The following UBR2 variants were observed in gnomAD, a reference collection of about 807,000 sequenced individuals.
UBR2 encodes the protein ubiquitin protein ligase E3 component n-recognin 2, also known as E3 ubiquitin-protein ligase UBR2.
UBR2 carries 92 observed loss-of-function variants against 247.9 expected under a neutral mutation model. That is an observed-to-expected ratio of 0.37 (90% CI 0.31 to 0.44). UBR2 has a LOEUF of 0.44. Ranked by LOEUF, UBR2 falls within the 20% of genes least tolerant of loss-of-function variation. UBR2 has a pLI of 1.00. For missense variants in UBR2, 1,613 were observed against 2,112.6 expected (o/e 0.76, Z 4.64); for synonymous variants, 672 against 693.5 (o/e 0.97, Z 0.49).
chr6:42,632,775 A>C (rs1397275228), intron 12 of UBR2, 30 bp from the exon 13 acceptor site: 1 of 1,590,066 alleles, frequency 6.3e-7, no homozygotes. Flanking sequence ...TGTTTATGTT[A>C]ATTGCCACTG....
intron 23 of UBR2, 95 bp downstream of exon 23, chr6:42,650,481 G>A: frequency 3.9e-6 from 4 of 1,037,038 alleles, no homozygotes; most frequent in Admixed American, 4.8e-5. Flanking sequence ...GAGTTTGGTG[G>A]CTATTCACAA....
intron 11 of UBR2, chr6:42,620,494 GTTTTTGTTTTTGTTTTTTT>G (rs1794914883): frequency 3.1e-5 from 3 of 97,024 alleles, no homozygotes; most frequent in Non-Finnish European, 4.5e-5. Flanking sequence ...TTTTTTTTTT[GTTTTTGTTTTTGTTTTTTT>G]TTAAGACAGA....
intron 23 of UBR2, among the ~76,000 whole-genome samples, chr6:42,651,661 T>C (rs1797120812): frequency 1.3e-5 from 2 of 152,092 alleles, no homozygotes; most frequent in South Asian, 4.1e-4. Flanking sequence ...CAGCCAATTT[T>C]TGTATTTTTA....
At chr6:42,684,085 C>T (rs948442689) in intron 43 of UBR2, among the ~76,000 whole-genome samples, 1 of 152,210 alleles carries the variant, frequency 6.6e-6, no homozygotes, top group Non-Finnish European at 1.5e-5. Context: ...ATCACAATTT[C>T]ATGTGATTCC....
intron 6 of UBR2, 139 bp downstream of exon 6, chr6:42,605,998 A>C (rs1014082556): frequency 2.5e-6 from 2 of 788,112 alleles, no homozygotes; most frequent in Non-Finnish European, 1.9e-6. Flanking sequence ...TAATCTCAGC[A>C]CTTTGGGAGG....
chr6:42,617,646 T>G, intron 11 of UBR2, 139 bp downstream of exon 11: 1 of 752,202 alleles, frequency 1.3e-6, no homozygotes, highest in South Asian at 1.9e-5. Flanking sequence ...ACCTTCACTA[T>G]TCTTTTACTA....
intron 11 of UBR2, among the ~76,000 whole-genome samples, chr6:42,630,301 C>T (rs760444690): frequency 6.6e-6 from 1 of 151,650 alleles, no homozygotes; most frequent in African/African-American, 2.4e-5. Context: ...TCTCCTGTCT[C>T]AGCCTCCCGA....
At chr6:42,667,965 C>T (rs982659165) in intron 34 of UBR2, among the ~76,000 whole-genome samples, 7 of 151,652 alleles carry the variant, frequency 4.6e-5, no homozygotes, top group Non-Finnish European at 5.9e-5. Context: ...CTCCATGTTG[C>T]CCAGGCTGGT....
chr6:42,677,534 T>C (rs1266887819), intron 40 of UBR2, among the ~76,000 whole-genome samples: 1 of 152,086 alleles, frequency 6.6e-6, no homozygotes, highest in Non-Finnish European at 1.5e-5. Flanking sequence ...TCCCAGCACT[T>C]TGGGAGAATG....
chr6:42,609,548 A>G (rs1582520852), intron 7 of UBR2, among the ~76,000 whole-genome samples: 1 of 152,232 alleles, frequency 6.6e-6, no homozygotes, highest in African/African-American at 2.4e-5. Context: ...AGCAGAGAGT[A>G]AAAGGAGGAT....
At chr6:42,641,742 T>TGAGAA (rs2151958478) in intron 17 of UBR2, 50 bp downstream of exon 17, 2 of 1,478,172 alleles carry the variant, frequency 1.4e-6, no homozygotes, top group East Asian at 4.7e-5. Context: ...TCTTGGCTTC[T>TGAGAA]GTGAAGGTTG....
At position 42,683,038 on chromosome 6, in the gene UBR2, C is replaced by A. The variant is rs1055693981; in HGVS notation, c.4719-17C>A. 6.2e-7 allele frequency: 1 copy of A among 1,609,870 alleles called. No individual in the cohort carries two copies. The highest frequency in any genetic ancestry group is 8.5e-7 in the Non-Finnish European group (1 of 1,178,372). The stretch of plus-strand genomic sequence containing the variant: ...TTAAAAGTGTTTTGTGTTTTTCCCC[C>A]TCTGTTTACATTAAAGTTGGTGCCG... On this transcript the variant is annotated splice_polypyrimidine_tract_variant and intron_variant, in intron 42 of 46. Transcript: ENST00000372901.
intron 16 of UBR2, among the ~76,000 whole-genome samples, 186 bp from the exon 17 acceptor site, chr6:42,641,396 C>T (rs973129182): frequency 2.0e-5 from 3 of 151,842 alleles, no homozygotes; most frequent in Admixed American, 1.3e-4. Context: ...CCTGGGAGGC[C>T]GAGATCGCAC....
intron 2 of UBR2, among the ~76,000 whole-genome samples, chr6:42,584,311 T>C (rs1280891884): frequency 2.0e-5 from 3 of 152,208 alleles, no homozygotes; most frequent in South Asian, 4.1e-4. Flanking sequence ...TGCTTTGATA[T>C]CTTATAAAAA....
At chr6:42,690,916 T>C (rs1799720234) in intron 46 of UBR2, 116 bp from the exon 47 acceptor site, 1 of 1,301,856 alleles carries the variant, frequency 7.7e-7, no homozygotes, top group South Asian at 1.4e-5. Context: ...CAGACAGAAA[T>C]GTTGCAGGGA....
intron 32 of UBR2, among the ~76,000 whole-genome samples, chr6:42,664,660 T>A (rs1358079562): frequency 6.6e-6 from 1 of 152,256 alleles, no homozygotes; most frequent in African/African-American, 2.4e-5. Flanking sequence ...TAAAAGAATA[T>A]CGTGGTACTG....
At chr6:42,668,460 GAC>G (rs1478049736) in intron 34 of UBR2, among the ~76,000 whole-genome samples, 1 of 151,836 alleles carries the variant, frequency 6.6e-6, no homozygotes, top group African/African-American at 2.4e-5. Flanking sequence ...GTTTTTTTGA[GAC>G]AGGTTCTCAC....
intron 7 of UBR2, among the ~76,000 whole-genome samples, chr6:42,607,717 T>TTG (rs1411619960): frequency 3.4e-5 from 5 of 146,576 alleles, no homozygotes; most frequent in African/African-American, 1.3e-4. Flanking sequence ...CAGCTGTTTT[T>TTG]TTTTTTTTTT....
Position 42,652,535 on chromosome 6 carries a change from A to G in UBR2, c.2659A>G (p.Ser887Gly). The change falls in exon 25 of 47, where the codon AGC becomes GGC. Residue 887 changes from serine (S) to glycine (G), a missense_variant. Physicochemically the swap from Ser to Gly is moderately conservative, Grantham distance 56. This residue lies in a region of UBR2 where 1,524 missense variants were observed against 1,967.3 expected (regional missense o/e 0.77). Coordinates refer to ENST00000372901, the MANE Select transcript of UBR2 (RefSeq NM_001363705.2). ...GCCTCCATTCTGCCCTCTGTTTGCA[A>G]GCCTGGTTAACATTTTGCAGTCAGA... ...VLPPFCPLFA[S>G]LVNILQSDVM... is the part of the protein sequence containing the mutation. The G allele has an allele frequency of 6.2e-7, 1 of 1,613,000 alleles. No homozygotes were observed. The highest frequency in any genetic ancestry group is 8.5e-7 in the Non-Finnish European group (1 of 1,179,862).
Sources: gnomAD v4.1 joint callset for allele counts (sites outside exome capture counted in the v4.1 genomes callset) on GRCh38, gnomAD v4.1.1 for gene constraint, gnomAD v4.1.1 regional missense constraint, MANE v1.5 for transcripts, NCBI Gene and HGNC (gene_info 2026-07-23, HGNC 2026-07-21) for gene names.